Variants in FRAS1 observed in about 807,000 individuals in gnomAD.
FRAS1 encodes Fraser extracellular matrix complex subunit 1.
In FRAS1, 290 loss-of-function variants were observed where a neutral mutation model predicts 435.2. The observed-to-expected ratio is 0.67, with a 90% CI of 0.61 to 0.73. FRAS1 has a LOEUF of 0.73. Ranked by LOEUF, FRAS1 falls within the 30% of genes least tolerant of loss-of-function variation. FRAS1 has a pLI of 0.00. For synonymous variants in FRAS1, 1,800 were observed against 1,851.0 expected (o/e 0.97, Z 0.71); for missense variants, 4,860 against 5,001.5 (o/e 0.97, Z 0.85).
At chr4:78,365,825 A>G (rs61191095) in intron 22 of FRAS1, among the ~76,000 whole-genome samples, 24,802 of 151,426 alleles carry the variant, frequency 0.16, 2,612 homozygotes, top group East Asian at 0.34. Flanking sequence ...CTAGCAGGGC[A>G]TGGTGGTGCA....
chr4:78,524,978 G>C (rs183031901), intron 69 of FRAS1, among the ~76,000 whole-genome samples: 18 of 152,280 alleles, frequency 1.2e-4, no homozygotes, highest in Non-Finnish European at 2.5e-4. Context: ...TGGGAAACAG[G>C]GTTCCTGGTA....
rs906917470 is a variant in FRAS1, at chr4:78,156,650, T to A, written c.109-80860T>A. 6.6e-5 allele frequency among the ~76,000 whole-genome samples: 10 copies of A among 152,280 alleles called. 1 individual carries two copies. The highest frequency in any genetic ancestry group is 5.2e-4 in the Admixed American group (8 of 15,292). On this transcript the variant is annotated intron_variant, in intron 2 of 73. Coordinates refer to ENST00000512123, the MANE Select transcript of FRAS1 (RefSeq NM_025074.7). The stretch of plus-strand genomic sequence containing the variant: ...ACCTAAATAAGATACTGTTCCCAGG[T>A]AACTTTGGGTCTAAAAAATGACCTC...
chr4:78,439,095 G>T, intron 40 of FRAS1, 31 bp downstream of exon 40: 1 of 1,565,288 alleles, frequency 6.4e-7, no homozygotes. Context: ...TAAACAGTGA[G>T]TACTATAGAG....
At chr4:78,103,480 G>A (rs1742234823) in intron 2 of FRAS1, among the ~76,000 whole-genome samples, 2 of 152,132 alleles carry the variant, frequency 1.3e-5, no homozygotes, top group Admixed American at 1.3e-4. Flanking sequence ...ATAGAGAGGT[G>A]AGCCTAGCAG....
intron 2 of FRAS1, among the ~76,000 whole-genome samples, chr4:78,123,611 A>T (rs556901041): frequency 6.6e-6 from 1 of 152,368 alleles, no homozygotes; most frequent in East Asian, 1.9e-4. Flanking sequence ...ATCCATGAGC[A>T]TGGAATGTTT....
chr4:78,362,701 A>C (rs1731121437), intron 20 of FRAS1, among the ~76,000 whole-genome samples: 1 of 152,202 alleles, frequency 6.6e-6, no homozygotes, highest in African/African-American at 2.4e-5. Flanking sequence ...TACACAGAAA[A>C]TTGAATGATG....
At position 78,066,669 on chromosome 4, in the gene FRAS1, T is replaced by C. The variant is rs539593394; in HGVS notation, c.108+653T>C. ...TCTACACTCCATCAACTCTAATAAA[T>C]GGTGTGACAAATCATTCTTCACCAT... On this transcript the variant is annotated intron_variant, in intron 2 of 73. Coordinates refer to ENST00000512123, the MANE Select transcript of FRAS1 (RefSeq NM_025074.7). Among the ~76,000 whole-genome samples, 7 of 152,332 alleles carry C rather than the reference T, an allele frequency of 4.6e-5. 1 individual carries two copies. In the South Asian group the frequency reaches 1.2e-3, roughly 27 times the overall value.
chr4:78,224,078 C>A (rs1444604618), intron 2 of FRAS1, among the ~76,000 whole-genome samples: 1 of 152,166 alleles, frequency 6.6e-6, no homozygotes, highest in Non-Finnish European at 1.5e-5. Flanking sequence ...TGAGACAGGG[C>A]TGGCCGCCCT....
In FRAS1 at chr4:78,222,880, A is replaced by G. The variant is rs142123991; in HGVS notation, c.109-14630A>G. Among the ~76,000 whole-genome samples, 496 of 152,322 alleles carry G rather than the reference A, an allele frequency of 3.3e-3. 3 individuals carry two copies. The highest frequency in any genetic ancestry group is 0.011 in the African/African-American group (469 of 41,576). On this transcript the variant is annotated intron_variant, in intron 2 of 73. Transcript: ENST00000512123. ...GGAAATGTAAAATGAAAGCTGTATT[A>G]TTCAGCTGCCAAGCCTCCTCACTTG...
At chr4:78,326,944 T>C (rs1301032246) in intron 18 of FRAS1, among the ~76,000 whole-genome samples, 1 of 152,188 alleles carries the variant, frequency 6.6e-6, no homozygotes, top group East Asian at 1.9e-4. Context: ...GAAAAGGGAC[T>C]GTGATAGGCA....
intron 2 of FRAS1, among the ~76,000 whole-genome samples, chr4:78,079,435 T>G (rs1740800128): frequency 6.6e-6 from 1 of 152,152 alleles, no homozygotes; most frequent in African/African-American, 2.4e-5. Flanking sequence ...CAAAGTAAGA[T>G]AAAGTCTATG....
chr4:78,203,633 C>A (rs1184810479), intron 2 of FRAS1, among the ~76,000 whole-genome samples: 2 of 152,066 alleles, frequency 1.3e-5, no homozygotes, highest in African/African-American at 4.8e-5. Flanking sequence ...ATGGTGTGAT[C>A]TCAGCTCACT....
At chr4:78,237,471 C>G in intron 2 of FRAS1, 39 bp from the exon 3 acceptor site, 4 of 1,414,150 alleles carry the variant, frequency 2.8e-6, no homozygotes, top group Non-Finnish European at 4.0e-6. Context: ...CATACCTTGA[C>G]TGATCAGTTT....
intron 41 of FRAS1, among the ~76,000 whole-genome samples, chr4:78,443,693 T>C (rs1290180577): frequency 1.3e-5 from 2 of 152,226 alleles, no homozygotes; most frequent in Non-Finnish European, 2.9e-5. Flanking sequence ...ATAAGAATGA[T>C]TTATGTCAAA....
In FRAS1 at chr4:78,308,062, G is replaced by T. The variant is rs749569960; in HGVS notation, c.1535-4G>T. 1 of 1,591,680 alleles carries T rather than the reference G, an allele frequency of 6.3e-7. No individual in the cohort carries two copies. The highest frequency in any genetic ancestry group is 1.8e-5 in the Admixed American group (1 of 57,040). ...TACTCACTGATTTTGCTATTCGTCT[G>T]CAGTCTGCCATGAGTCCTGTGCAGG... On this transcript the variant is annotated splice_polypyrimidine_tract_variant and splice_region_variant and intron_variant, in intron 14 of 73. Coordinates refer to ENST00000512123, the MANE Select transcript of FRAS1 (RefSeq NM_025074.7).
intron 2 of FRAS1, among the ~76,000 whole-genome samples, chr4:78,153,520 G>C (rs760744410): frequency 2.6e-5 from 4 of 152,084 alleles, no homozygotes; most frequent in South Asian, 2.1e-4. Flanking sequence ...AAAATAGACG[G>C]CTCTTTCCTC....
intron 29 of FRAS1, among the ~76,000 whole-genome samples, chr4:78,389,516 G>GA: frequency 6.6e-6 from 1 of 152,212 alleles, no homozygotes; most frequent in East Asian, 1.9e-4. Flanking sequence ...GGGAGTGAGT[G>GA]AAAGCTGATG....
chr4:78,285,434 CT>C (rs143667746), intron 13 of FRAS1, among the ~76,000 whole-genome samples: 11 of 145,634 alleles, frequency 7.6e-5, no homozygotes, highest in South Asian at 2.2e-4. Flanking sequence ...CTTCCATATT[CT>C]TTTTTTTTTT....
At chr4:78,533,488 G>T (rs190368883) in intron 70 of FRAS1, among the ~76,000 whole-genome samples, 4 of 152,158 alleles carry the variant, frequency 2.6e-5, no homozygotes, top group Admixed American at 1.3e-4. Flanking sequence ...GAGCTTTACC[G>T]GTCATGGCAA....
Sources: allele counts gnomAD v4.1 joint callset (sites outside exome capture counted in the v4.1 genomes callset), GRCh38; gene constraint gnomAD v4.1.1; transcripts MANE v1.5; gene names NCBI Gene and HGNC (gene_info 2026-07-23, HGNC 2026-07-21).